CAPZB: variants seen among roughly 807,000 people sequenced by gnomAD.
CAPZB encodes capping actin protein of muscle Z-line subunit beta.
Under a neutral mutation model 38.1 loss-of-function variants are expected in CAPZB, and 2 were observed. The ratio of observed to expected loss-of-function variants is 0.05; its 90% CI spans 0.02 to 0.17. CAPZB has a LOEUF of 0.17. Among genes scored for constraint, CAPZB ranks in the 10% least tolerant of loss-of-function variants. CAPZB has a pLI of 1.00. For missense variants in CAPZB, 161 were observed against 334.2 expected, an observed-to-expected ratio of 0.48 and a Z score of 4.04; for synonymous variants, 107 against 127.4, an observed-to-expected ratio of 0.84 and a Z score of 1.08.
intron 3 of CAPZB, among the ~76,000 whole-genome samples, chr1:19,379,496 G>A (rs1306519343): frequency 2.0e-5 from 3 of 152,178 alleles, no homozygotes; most frequent in Non-Finnish European, 4.4e-5. Flanking sequence ...CATAGTAAGC[G>A]TTAAGAAGAG....
chr1:19,364,159 G>A (rs1390416168), intron 4 of CAPZB, among the ~76,000 whole-genome samples: 1 of 152,232 alleles, frequency 6.6e-6, no homozygotes. Flanking sequence ...ACTGAATAAA[G>A]CCAAGGGAAA....
chr1:19,407,003 C>A (rs769156296), intron 2 of CAPZB, among the ~76,000 whole-genome samples: 2 of 152,156 alleles, frequency 1.3e-5, no homozygotes, highest in Non-Finnish European at 2.9e-5. Flanking sequence ...CAGGATTGTG[C>A]CTTTCGATTT....
intron 6 of CAPZB, among the ~76,000 whole-genome samples, chr1:19,353,745 C>T (rs368974432): frequency 1.3e-5 from 2 of 152,372 alleles, no homozygotes; most frequent in East Asian, 3.9e-4. Context: ...TAGTAGTGAA[C>T]ACACCCCAGT....
chr1:19,375,767 C>G (rs1243753782), intron 4 of CAPZB, among the ~76,000 whole-genome samples: 1 of 152,194 alleles, frequency 6.6e-6, no homozygotes. Flanking sequence ...CTATGACTCC[C>G]GGCTCCTGTG....
At chr1:19,349,066 C>A (rs968755540) in intron 6 of CAPZB, among the ~76,000 whole-genome samples, 3 of 152,118 alleles carry the variant, frequency 2.0e-5, no homozygotes, top group African/African-American at 4.8e-5. Flanking sequence ...AATAAACACA[C>A]CAACCTCGGC....
chr1:19,435,292 C>T (rs1188503071), intron 1 of CAPZB, among the ~76,000 whole-genome samples: 2 of 152,218 alleles, frequency 1.3e-5, no homozygotes, highest in East Asian at 3.9e-4. Flanking sequence ...CCCAATCAAA[C>T]GCTGAGTGTT....
At chr1:19,348,726 C>A (rs1017770242) in intron 6 of CAPZB, among the ~76,000 whole-genome samples, 1 of 141,326 alleles carries the variant, frequency 7.1e-6, no homozygotes, top group African/African-American at 2.8e-5. Context: ...TCTGGGAGAC[C>A]GACGGGTCTG....
intron 1 of CAPZB, 133 bp from the exon 2 acceptor site, chr1:19,419,883 CTG>C: frequency 1.6e-6 from 1 of 609,632 alleles, no homozygotes; most frequent in Non-Finnish European, 2.9e-6. Flanking sequence ...CGCCAGGTCT[CTG>C]TGTGCCAGCA....
intron 1 of CAPZB, among the ~76,000 whole-genome samples, chr1:19,430,134 C>T (rs960983256): frequency 3.3e-5 from 5 of 152,168 alleles, no homozygotes; most frequent in African/African-American, 9.7e-5. Flanking sequence ...CTGAGGCCAT[C>T]GAAACCAGAC....
intron 2 of CAPZB, among the ~76,000 whole-genome samples, chr1:19,403,409 G>C (rs546595938): frequency 2.0e-5 from 3 of 152,330 alleles, no homozygotes; most frequent in Admixed American, 2.0e-4. Context: ...CAGTTAGAGG[G>C]AGCAGAGTTG....
chr1:19,472,435 G>T (rs1440204592), intron 1 of CAPZB, among the ~76,000 whole-genome samples: 1 of 152,192 alleles, frequency 6.6e-6, no homozygotes, highest in Non-Finnish European at 1.5e-5. Context: ...CTGGCCGCAG[G>T]TGTAACACAG....
At chr1:19,359,210 C>CTTTTTTTTT (rs57251931) in intron 4 of CAPZB, among the ~76,000 whole-genome samples, 2 of 114,410 alleles carry the variant, frequency 1.7e-5, no homozygotes, top group Non-Finnish European at 3.5e-5. Flanking sequence ...TCTCTGTACT[C>CTTTTTTTTT]TTTTTTTTTT....
At chr1:19,478,866 T>G (rs1331001727) in intron 1 of CAPZB, among the ~76,000 whole-genome samples, 1 of 152,078 alleles carries the variant, frequency 6.6e-6, no homozygotes, top group Non-Finnish European at 1.5e-5. Flanking sequence ...GAGGGTGACA[T>G]GAGAATCTGC....
intron 1 of CAPZB, among the ~76,000 whole-genome samples, chr1:19,472,626 C>G (rs1351252020): frequency 6.6e-6 from 1 of 152,036 alleles, no homozygotes; most frequent in Non-Finnish European, 1.5e-5. Flanking sequence ...ATTCCAGACC[C>G]TGACTACCGA....
At chr1:19,472,614 T>C (rs1385812887) in intron 1 of CAPZB, among the ~76,000 whole-genome samples, 1 of 151,610 alleles carries the variant, frequency 6.6e-6, no homozygotes, top group East Asian at 1.9e-4. Flanking sequence ...GACTCAAAGG[T>C]GATTCCAGAC....
At chr1:19,412,877 G>A (rs2094363237) in intron 2 of CAPZB, among the ~76,000 whole-genome samples, 1 of 152,204 alleles carries the variant, frequency 6.6e-6, no homozygotes, top group African/African-American at 2.4e-5. Context: ...ACAGCTGCCA[G>A]TTATCCTGTT....
In CAPZB at chr1:19,339,239, T is replaced by C. The variant is rs1569837351; in HGVS notation, c.*291A>G. 2.4e-6 allele frequency: 1 copy of C among 412,732 alleles called. No individual in the cohort carries two copies. Among genetic ancestry groups the C allele is most frequent in the South Asian group, 3.6e-5 (1 of 27,936 alleles). 25.6% of individuals were successfully genotyped at this position (412,732 alleles called of 1,614,324 possible). A position where few individuals can be genotyped will look rare whatever the true frequency, so the allele number is the denominator to read the frequency against. On this transcript the variant is annotated 3_prime_UTR_variant, in exon 9 of 9. Coordinates refer to ENST00000264202, the MANE Select transcript of CAPZB (RefSeq NM_004930.5). ...TGGCAGACAGTGGATTTTATGCCTA[T>C]AAATGGGGGGACAGGGAGGAAGACG...
At chr1:19,453,822 C>T (rs1162429058) in intron 1 of CAPZB, among the ~76,000 whole-genome samples, 1 of 152,218 alleles carries the variant, frequency 6.6e-6, no homozygotes, top group Non-Finnish European at 1.5e-5. Context: ...GAATAGTGAA[C>T]AATTACTGAG....
intron 1 of CAPZB, among the ~76,000 whole-genome samples, chr1:19,457,003 C>T (rs1278481214): frequency 1.3e-5 from 2 of 152,166 alleles, no homozygotes; most frequent in Non-Finnish European, 2.9e-5. Context: ...TAGAGATTAG[C>T]TCTGTGTGTG....
Sources: allele counts gnomAD v4.1 joint callset (sites outside exome capture counted in the v4.1 genomes callset), GRCh38; gene constraint gnomAD v4.1.1; transcripts MANE v1.5; gene names NCBI Gene and HGNC (gene_info 2026-07-23, HGNC 2026-07-21).